The following SPATA13 variants were observed in gnomAD, a reference collection of about 807,000 sequenced individuals.
The protein encoded by SPATA13 is spermatogenesis associated 13, also known as spermatogenesis-associated protein 13.
A neutral mutation model predicts 104.0 loss-of-function variants in SPATA13; 50 were observed. That is an observed-to-expected ratio of 0.48 (90% CI 0.38 to 0.61). SPATA13 has a LOEUF of 0.61. SPATA13 is among the 20% of genes least tolerant of loss of function. The pLI, the probability that SPATA13 is intolerant of heterozygous loss-of-function variation, is 0.00. For missense variants in SPATA13, 1,524 were observed against 1,690.6 expected (o/e 0.90, Z 1.73); for synonymous variants, 606 against 667.5 (o/e 0.91, Z 1.42).
At chr13:24,084,335 G>T (rs1382680379) in intron 3 of SPATA13, among the ~76,000 whole-genome samples, 1 of 152,216 alleles carries the variant, frequency 6.6e-6, no homozygotes, top group East Asian at 1.9e-4. Flanking sequence ...GGAAGGAGGA[G>T]CTGAGCCCGC....
intron 1 of SPATA13, among the ~76,000 whole-genome samples, chr13:24,174,561 T>C (rs1006208843): frequency 1.3e-5 from 2 of 151,960 alleles, no homozygotes; most frequent in Middle Eastern, 6.3e-3. Flanking sequence ...GATTAAAAAT[T>C]TCCCTTTATT....
intron 4 of SPATA13, among the ~76,000 whole-genome samples, chr13:24,278,031 A>G (rs1406200301): frequency 6.6e-6 from 1 of 152,174 alleles, no homozygotes; most frequent in Non-Finnish European, 1.5e-5. Context: ...CAACCAGAAA[A>G]TGGAATCAGG....
intron 3 of SPATA13, among the ~76,000 whole-genome samples, chr13:24,130,907 A>G (rs551831732): frequency 2.6e-5 from 4 of 152,370 alleles, no homozygotes; most frequent in African/African-American, 9.6e-5. Flanking sequence ...TAAACTGCTG[A>G]AAAGAAAGCT....
intron 3 of SPATA13, among the ~76,000 whole-genome samples, chr13:24,068,570 G>A (rs1879050043): frequency 1.3e-5 from 2 of 152,146 alleles, no homozygotes; most frequent in African/African-American, 2.4e-5. Flanking sequence ...TTACACAGTG[G>A]TTGAACTAAT....
At chr13:24,287,519 T>C (rs1876042499) in intron 7 of SPATA13, among the ~76,000 whole-genome samples, 1 of 152,212 alleles carries the variant, frequency 6.6e-6, no homozygotes, top group African/African-American at 2.4e-5. Flanking sequence ...CTGAGATTAT[T>C]TGAAAAGAAT....
intron 4 of SPATA13, among the ~76,000 whole-genome samples, chr13:24,260,928 C>T (rs1339949239): frequency 2.0e-5 from 3 of 152,196 alleles, no homozygotes; most frequent in East Asian, 3.9e-4. Context: ...TCATGGCATG[C>T]GTGCATGGGG....
chr13:24,178,929 C>G (rs1452516045), intron 1 of SPATA13, among the ~76,000 whole-genome samples: 2 of 152,198 alleles, frequency 1.3e-5, no homozygotes, highest in Non-Finnish European at 2.9e-5. Context: ...CATTAGCAGT[C>G]CTCATTTTCC....
chr13:24,138,750 ATTTT>A (rs11354139), intron 3 of SPATA13, among the ~76,000 whole-genome samples: 1 of 112,614 alleles, frequency 8.9e-6, no homozygotes, highest in African/African-American at 3.5e-5. Context: ...CCCCTGGCTA[ATTTT>A]TTTTTTTTTT....
At chr13:24,270,651 TA>T (rs1298219755) in intron 4 of SPATA13, 5 of 1,196,834 alleles carry the variant, frequency 4.2e-6, no homozygotes. Flanking sequence ...CTGTAGCCAC[TA>T]ACCCTTGGTC....
intron 2 of SPATA13, among the ~76,000 whole-genome samples, chr13:24,245,129 C>T (rs779007016): frequency 2.6e-5 from 4 of 152,094 alleles, no homozygotes; most frequent in South Asian, 2.1e-4. Context: ...CCGTGGGCCC[C>T]GGCAGCCCAC....
chr13:24,110,435 T>C (rs957654656), intron 3 of SPATA13, among the ~76,000 whole-genome samples: 15 of 152,182 alleles, frequency 9.9e-5, no homozygotes, highest in African/African-American at 3.4e-4. Context: ...TCACTTAATA[T>C]TGTAATATGT....
intron 1 of SPATA13, among the ~76,000 whole-genome samples, chr13:24,214,970 A>G (rs1259992120): frequency 6.6e-6 from 1 of 152,214 alleles, no homozygotes; most frequent in Non-Finnish European, 1.5e-5. Context: ...AACATTATTA[A>G]GCTGTGTCAA....
intron 4 of SPATA13, among the ~76,000 whole-genome samples, chr13:24,256,453 A>G (rs527983620): frequency 1.3e-5 from 2 of 152,302 alleles, no homozygotes; most frequent in Admixed American, 6.5e-5. Context: ...CCCCATAAAT[A>G]TTGTACAATT....
At chr13:24,127,536 A>G (rs1420472236) in intron 3 of SPATA13, among the ~76,000 whole-genome samples, 2 of 152,214 alleles carry the variant, frequency 1.3e-5, no homozygotes, top group African/African-American at 4.8e-5. Context: ...TGAACCAAGG[A>G]GACAGAAGAT....
At chr13:24,250,913 A>AT (rs1349593900) in intron 3 of SPATA13, among the ~76,000 whole-genome samples, 1 of 152,230 alleles carries the variant, frequency 6.6e-6, no homozygotes, top group Non-Finnish European at 1.5e-5. Flanking sequence ...GCCAAAAGGA[A>AT]TGTGCGAAGT....
upstream of SPATA13, among the ~76,000 whole-genome samples, chr13:24,155,979 C>T (rs1413405496): frequency 6.6e-6 from 1 of 152,184 alleles, no homozygotes; most frequent in African/African-American, 2.4e-5. Flanking sequence ...GTAATGTCCT[C>T]AGGGTCCACC....
intron 1 of SPATA13, among the ~76,000 whole-genome samples, chr13:24,206,460 G>T (rs1330905732): frequency 2.0e-5 from 3 of 152,204 alleles, no homozygotes; most frequent in African/African-American, 7.2e-5. Flanking sequence ...TTACACTGTT[G>T]GTGGGAGTAT....
rs367630987 is a variant in SPATA13, at chr13:24,286,812, C to A, written c.2529C>A (p.Pro843=). ...EELSENSSST[P]SEEQDEEASQ... The stretch of plus-strand genomic sequence containing the variant: ...TGTCGGAAAACTCCAGCAGCACCCC[C>A]AGTGAGGAGCAGGACGAGGAGGCCA... Residue 843 remains proline (P), a synonymous_variant, in exon 7 of 13, where the codon CCC becomes CCA. Transcript: ENST00000382108. The surrounding 1 kb of genome is among the most constrained non-coding windows in gnomAD (Gnocchi z 4.9). 30 of 1,613,516 alleles carry A rather than the reference C, an allele frequency of 1.9e-5. No homozygotes were observed. In the Middle Eastern group the frequency reaches 4.9e-4, roughly 27 times the overall value.
chr13:24,297,696 G>A lies in SPATA13; in HGVS notation c.3544G>A (p.Ala1182Thr), dbSNP rs1003862805. 4 of 1,613,816 alleles carry A rather than the reference G, an allele frequency of 2.5e-6. No homozygotes were observed. The highest frequency in any genetic ancestry group is 1.3e-5 in the African/African-American group (1 of 74,918). Residue 1182 changes from alanine to threonine, a missense_variant, in exon 11 of 13, where the codon GCA (alanine) becomes ACA (threonine). Ala to Thr is a moderately conservative substitution (Grantham distance 58). Transcript: ENST00000382108. ...CAAGGCGAGGTGGCTGCAGGCCTGT[G>A]CAGATGAAAGGAGGCGGGTGCAAGA... Reference protein sequence around the residue: ...EDKARWLQACADERRRVQEDK... With the variant: ...EDKARWLQACTDERRRVQEDK...
Sources: gnomAD v4.1 joint callset for allele counts (sites outside exome capture counted in the v4.1 genomes callset) on GRCh38, gnomAD v4.1.1 for gene constraint, Gnocchi (gnomAD v3.1) non-coding constraint, MANE v1.5 for transcripts, NCBI Gene and HGNC (gene_info 2026-07-23, HGNC 2026-07-21) for gene names.